The following CYP2C18 variants were observed in gnomAD, a reference collection of about 807,000 sequenced individuals.
CYP2C18 encodes cytochrome P450 family 2 subfamily C member 18.
CYP2C18 carries 38 observed loss-of-function variants against 41.3 expected under a neutral mutation model. The observed-to-expected ratio is 0.92, with a 90% confidence interval of 0.71 to 1.21. The LOEUF is 1.21. CYP2C18 is among the 50% of genes most tolerant of loss of function. CYP2C18 has a pLI of 0.00. For missense variants in CYP2C18, 635 were observed against 591.4 expected, an observed-to-expected ratio of 1.07 and a Z score of -0.77; for synonymous variants, 236 against 210.0, an observed-to-expected ratio of 1.12 and a Z score of -1.07.
chr10:94,687,932 G>A lies in CYP2C18; in HGVS notation c.331G>A (p.Gly111Arg), dbSNP rs1048521036. The change falls in exon 2 of 9, where the codon GGA becomes AGA. Residue 111 changes from glycine (G) to arginine (R), a missense_variant and splice_region_variant. Coordinates refer to ENST00000285979, the MANE Select transcript of CYP2C18 (RefSeq NM_000772.3). ...PVAEKVNKGLGILFSNGKRWK... is the reference protein window; with the variant it reads ...PVAEKVNKGLRILFSNGKRWK... Reference sequence around the variant, plus strand: ...GGCTGAAAAAGTTAACAAAGGACTTGGTAAATGTGCATGTATCGTGTGTAT... The same window carrying A: ...GGCTGAAAAAGTTAACAAAGGACTTAGTAAATGTGCATGTATCGTGTGTAT... The A allele has an allele frequency of 1.2e-6, 2 of 1,613,198 alleles. No homozygotes were observed. The highest frequency in any genetic ancestry group is 2.7e-5 in the African/African-American group (2 of 74,858).
chr10:94,710,908 G>C (rs1450961886), intron 5 of CYP2C18, among the ~76,000 whole-genome samples: 1 of 151,958 alleles, frequency 6.6e-6, no homozygotes, highest in Non-Finnish European at 1.5e-5. Context: ...ATCTTTTTTT[G>C]TATGTTAATT....
intron 3 of CYP2C18, among the ~76,000 whole-genome samples, chr10:94,693,403 T>G (rs1847050250): frequency 6.6e-6 from 1 of 152,168 alleles, no homozygotes; most frequent in Non-Finnish European, 1.5e-5. Flanking sequence ...TCACGCTTCC[T>G]GTACAGCCTG....
intron 5 of CYP2C18, among the ~76,000 whole-genome samples, chr10:94,712,944 T>G (rs1056273955): frequency 1.3e-5 from 2 of 152,180 alleles, no homozygotes; most frequent in Non-Finnish European, 2.9e-5. Context: ...TTAGTGTTGT[T>G]AAGCATCTTT....
chr10:94,735,236 C>T (rs1847899110), intron 8 of CYP2C18, 27 bp from the exon 9 acceptor site: 3 of 1,610,424 alleles, frequency 1.9e-6, no homozygotes, highest in African/African-American at 1.3e-5. Context: ...GTTCAAGGAA[C>T]AAATCCCCTA....
chr10:94,732,331 G>A (rs777158592), intron 7 of CYP2C18, among the ~76,000 whole-genome samples: 3 of 152,028 alleles, frequency 2.0e-5, no homozygotes, highest in African/African-American at 7.2e-5. Context: ...ATGCATGATG[G>A]CAAGGCTGTG....
intron 7 of CYP2C18, among the ~76,000 whole-genome samples, chr10:94,732,602 A>G (rs1446624440): frequency 6.6e-6 from 1 of 152,192 alleles, no homozygotes; most frequent in Non-Finnish European, 1.5e-5. Flanking sequence ...CTGGATAAAG[A>G]AAAGGTGGTA....
chr10:94,699,506 A>G (rs1465635111), intron 4 of CYP2C18, among the ~76,000 whole-genome samples: 1 of 152,200 alleles, frequency 6.6e-6, no homozygotes, highest in Non-Finnish European at 1.5e-5. Flanking sequence ...ATCTATGACA[A>G]ACCCAAAGCT....
intron 7 of CYP2C18, among the ~76,000 whole-genome samples, chr10:94,727,195 T>C (rs1847755862): frequency 6.6e-6 from 1 of 152,220 alleles, no homozygotes; most frequent in African/African-American, 2.4e-5. Context: ...TTATGTAATA[T>C]TAAAAGCCTG....
At chr10:94,735,034 G>C (rs138016984) in intron 8 of CYP2C18, among the ~76,000 whole-genome samples, 7 of 152,238 alleles carry the variant, frequency 4.6e-5, no homozygotes, top group South Asian at 2.1e-4. Flanking sequence ...GCATAGAGCT[G>C]ATACTCCATA....
intron 5 of CYP2C18, among the ~76,000 whole-genome samples, chr10:94,713,557 C>T (rs978009621): frequency 6.6e-6 from 1 of 152,196 alleles, no homozygotes; most frequent in African/African-American, 2.4e-5. Flanking sequence ...ATATGTGCCA[C>T]ATTTTCTTAA....
At chr10:94,702,056 G>A (rs1237478297) in intron 4 of CYP2C18, among the ~76,000 whole-genome samples, 1 of 152,048 alleles carries the variant, frequency 6.6e-6, no homozygotes, top group Non-Finnish European at 1.5e-5. Context: ...ATGTTGAATA[G>A]TGGCCCCCAC....
intron 1 of CYP2C18, among the ~76,000 whole-genome samples, chr10:94,685,956 C>T (rs1846880068): frequency 6.6e-6 from 1 of 152,012 alleles, no homozygotes; most frequent in South Asian, 2.1e-4. Context: ...ATAGGGATTG[C>T]ACTGAATCTG....
chr10:94,731,100 G>A (rs1210063557), intron 7 of CYP2C18, among the ~76,000 whole-genome samples: 1 of 152,064 alleles, frequency 6.6e-6, no homozygotes, highest in Non-Finnish European at 1.5e-5. Context: ...GCCATACTGG[G>A]CCAGGTGCGG....
chr10:94,714,053 G>T (rs1196668898), intron 5 of CYP2C18, among the ~76,000 whole-genome samples: 1 of 152,086 alleles, frequency 6.6e-6, no homozygotes, highest in African/African-American at 2.4e-5. Context: ...ATTTGTTTGA[G>T]TTCTTTGTAG....
chr10:94,727,285 C>T (rs1424606815), intron 7 of CYP2C18, among the ~76,000 whole-genome samples: 1 of 152,016 alleles, frequency 6.6e-6, no homozygotes, highest in Non-Finnish European at 1.5e-5. Context: ...TATTTATTTT[C>T]CTTATTTATC....
intron 5 of CYP2C18, among the ~76,000 whole-genome samples, chr10:94,708,981 G>A (rs142591869): frequency 1.1e-3 from 161 of 152,140 alleles, no homozygotes; most frequent in African/African-American, 3.8e-3. Flanking sequence ...ATTAGTTGTT[G>A]GTTTTGATTG....
At chr10:94,733,229 G>C (rs762488400) in intron 7 of CYP2C18, 68 bp from the exon 8 acceptor site, 1 of 1,464,872 alleles carries the variant, frequency 6.8e-7, no homozygotes, top group African/African-American at 1.4e-5. Flanking sequence ...TGGACTAGGT[G>C]ATTTCCATCA....
chr10:94,727,117 G>A lies in CYP2C18; in HGVS notation c.1149+2584G>A, dbSNP rs192421633. Among the ~76,000 whole-genome samples, 70 of 152,104 alleles carry A rather than the reference G, an allele frequency of 4.6e-4. 2 individuals carry two copies. The highest frequency in any genetic ancestry group is 6.2e-4 in the South Asian group (3 of 4,808). On this transcript the variant is annotated intron_variant, in intron 7 of 8. Transcript: ENST00000285979. ...TAGCCATGGATCATTCATGGCTACC[G>A]TGCTACAGAACACATATCTGATTGT...
intron 5 of CYP2C18, among the ~76,000 whole-genome samples, chr10:94,707,954 T>G (rs114452245): frequency 6.6e-6 from 1 of 152,220 alleles, no homozygotes; most frequent in African/African-American, 2.4e-5. Flanking sequence ...ATATAGATGC[T>G]TCAGGACACT....
Sources: allele counts gnomAD v4.1 joint callset (sites outside exome capture counted in the v4.1 genomes callset), GRCh38; gene constraint gnomAD v4.1.1; transcripts MANE v1.5; gene names NCBI Gene and HGNC (gene_info 2026-07-23, HGNC 2026-07-21).